Variants in GLRA3 observed in about 807,000 individuals in gnomAD.
GLRA3 encodes the protein glycine receptor alpha 3.
In GLRA3, 44 loss-of-function variants were observed where a neutral mutation model predicts 60.4. The observed-to-expected ratio is 0.73, with a 90% confidence interval of 0.57 to 0.94. The LOEUF is 0.94. Among genes scored for constraint, GLRA3 ranks in the 40% least tolerant of loss-of-function variants. The pLI is 0.00. For synonymous variants in GLRA3, 223 were observed against 192.9 expected, an observed-to-expected ratio of 1.16 and a Z score of -1.29; for missense variants, 508 against 564.6, an observed-to-expected ratio of 0.90 and a Z score of 1.02.
chr4:174,754,956 G>A (rs142286853), intron 3 of GLRA3, among the ~76,000 whole-genome samples: 1 of 152,142 alleles, frequency 6.6e-6, no homozygotes, highest in African/African-American at 2.4e-5. Flanking sequence ...TTAGAAGAAA[G>A]ATTATAGAAT....
chr4:174,666,753 TATATATTA>T (rs1174153545), intron 7 of GLRA3, among the ~76,000 whole-genome samples: 445 of 77,202 alleles, frequency 5.8e-3, no homozygotes, highest in Non-Finnish European at 7.1e-3. Flanking sequence ...TATATATATA[TATATATTA>T]TATATATATA....
chr4:174,759,272 G>C (rs1350181590), intron 3 of GLRA3, among the ~76,000 whole-genome samples: 1 of 151,824 alleles, frequency 6.6e-6, no homozygotes. Flanking sequence ...AGAGTATTTT[G>C]GGCAATGTAA....
intron 4 of GLRA3, 140 bp from the exon 5 acceptor site, chr4:174,715,710 C>A: frequency 1.9e-6 from 1 of 514,834 alleles, no homozygotes; most frequent in East Asian, 3.0e-5. Flanking sequence ...ATCCTACTTA[C>A]TATAAAATAG....
chr4:174,784,700 C>A (rs189752181), intron 2 of GLRA3, among the ~76,000 whole-genome samples: 1 of 152,186 alleles, frequency 6.6e-6, no homozygotes, highest in African/African-American at 2.4e-5. Context: ...TTCAGCTTTA[C>A]TTTCTAATTC....
At chr4:174,758,666 G>C (rs1737822267) in intron 3 of GLRA3, among the ~76,000 whole-genome samples, 1 of 152,092 alleles carries the variant, frequency 6.6e-6, no homozygotes, top group Non-Finnish European at 1.5e-5. Flanking sequence ...GTTCACAAAT[G>C]TTAACAAATA....
intron 4 of GLRA3, among the ~76,000 whole-genome samples, chr4:174,717,177 ACTATAGC>A (rs1236823037): frequency 1.3e-5 from 2 of 149,190 alleles, no homozygotes; most frequent in African/African-American, 4.9e-5. Context: ...ACACTGCTGA[ACTATAGC>A]CTGGGTGACA....
intron 5 of GLRA3, among the ~76,000 whole-genome samples, chr4:174,710,937 T>TA (rs531413158): frequency 3.3e-4 from 50 of 152,156 alleles, no homozygotes; most frequent in African/African-American, 9.6e-4. Flanking sequence ...TCATTTTTAT[T>TA]AAAAAAACCT....
chr4:174,731,150 C>T (rs1430849014), intron 3 of GLRA3, among the ~76,000 whole-genome samples: 1 of 152,146 alleles, frequency 6.6e-6, no homozygotes, highest in East Asian at 1.9e-4. Context: ...CTGCTCCTTA[C>T]AGTTTTGGTT....
At chr4:174,788,604 A>T in intron 2 of GLRA3, among the ~76,000 whole-genome samples, 1 of 151,454 alleles carries the variant, frequency 6.6e-6, no homozygotes, top group South Asian at 2.1e-4. Flanking sequence ...AAAAAAAAAA[A>T]AAAAAAAAGA....
intron 3 of GLRA3, among the ~76,000 whole-genome samples, chr4:174,762,797 C>T (rs1737988752): frequency 6.6e-6 from 1 of 152,114 alleles, no homozygotes; most frequent in Non-Finnish European, 1.5e-5. Context: ...AAGATTCTGA[C>T]ATATGCATAT....
chr4:174,724,781 C>T (rs548987809), intron 4 of GLRA3, among the ~76,000 whole-genome samples: 1 of 152,238 alleles, frequency 6.6e-6, no homozygotes, highest in South Asian at 2.1e-4. Flanking sequence ...AGGATATATT[C>T]CCTGGGTACA....
rs547763497 is a variant in GLRA3, at chr4:174,778,649, C to G, written c.199+10167G>C. 2.6e-5 allele frequency among the ~76,000 whole-genome samples: 4 copies of G among 152,342 alleles called. No homozygotes were observed. The East Asian group carries it at 7.7e-4, about 29-fold the overall frequency. On this transcript the variant is annotated intron_variant, in intron 2 of 9. Transcript: ENST00000274093. The stretch of plus-strand genomic sequence containing the variant: ...GTGCGCGAGCCGAAGCAGGGCGAGG[C>G]ATTGCCTCACTTGGGAAGTGCAAGG...
At chr4:174,718,747 G>C (rs1182941394) in intron 4 of GLRA3, among the ~76,000 whole-genome samples, 1 of 151,974 alleles carries the variant, frequency 6.6e-6, no homozygotes, top group Admixed American at 6.6e-5. Context: ...ACATCTATTA[G>C]ACAATGTTTA....
chr4:174,723,241 A>G (rs1204866222), intron 4 of GLRA3, among the ~76,000 whole-genome samples: 1 of 152,132 alleles, frequency 6.6e-6, no homozygotes, highest in African/African-American at 2.4e-5. Flanking sequence ...TTGAATGGGC[A>G]CAGTTAAGGG....
At chr4:174,814,993 G>C (rs556917687) in intron 1 of GLRA3, among the ~76,000 whole-genome samples, 38 of 152,260 alleles carry the variant, frequency 2.5e-4, no homozygotes, top group Admixed American at 2.0e-3. Context: ...AAGTGACAAG[G>C]CATGTCCCTT....
intron 3 of GLRA3, among the ~76,000 whole-genome samples, chr4:174,760,526 ATT>A (rs35439411): frequency 5.4e-5 from 8 of 149,074 alleles, no homozygotes; most frequent in East Asian, 2.0e-4. Context: ...ATACACAATG[ATT>A]TTTTTTTTTT....
chr4:174,792,572 A>G (rs1205811051), intron 1 of GLRA3, among the ~76,000 whole-genome samples: 1 of 152,186 alleles, frequency 6.6e-6, no homozygotes, highest in East Asian at 1.9e-4. Flanking sequence ...CCAGGAATAT[A>G]TGCAGTTTTT....
intron 5 of GLRA3, among the ~76,000 whole-genome samples, chr4:174,698,055 C>A (rs1230132568): frequency 6.6e-6 from 1 of 152,154 alleles, no homozygotes; most frequent in Non-Finnish European, 1.5e-5. Flanking sequence ...ATAATCAATT[C>A]ACTAAATAGG....
At chr4:174,646,664 G>A (rs4695941) in intron 9 of GLRA3, among the ~76,000 whole-genome samples, 77,601 of 151,686 alleles carry the variant, frequency 0.51, 21,316 homozygotes, top group African/African-American at 0.72. Context: ...TATGTGTCCT[G>A]TGTGATGAGG....
Sources: allele counts gnomAD v4.1 joint callset (sites outside exome capture counted in the v4.1 genomes callset), GRCh38; gene constraint gnomAD v4.1.1; transcripts MANE v1.5; gene names NCBI Gene and HGNC (gene_info 2026-07-23, HGNC 2026-07-21).